The following SLC44A5 variants were observed in gnomAD, a reference collection of about 807,000 sequenced individuals.
SLC44A5 encodes solute carrier family 44 member 5, also known as choline transporter-like protein 5.
SLC44A5 carries 57 observed loss-of-function variants against 101.8 expected under a neutral mutation model. The ratio of observed to expected loss-of-function variants is 0.56; its 90% confidence interval spans 0.45 to 0.70. The LOEUF (loss-of-function observed/expected upper bound fraction) is 0.70, where lower values mean the gene tolerates loss of function less well. Ranked by LOEUF, SLC44A5 falls within the 30% of genes least tolerant of loss-of-function variation. SLC44A5 has a pLI of 0.00. For missense variants in SLC44A5, 737 were observed against 853.1 expected (o/e 0.86, Z 1.70); for synonymous variants, 281 against 290.9 (o/e 0.97, Z 0.35).
chr1:75,210,150 G>T (rs1451787316), intron 23 of SLC44A5, among the ~76,000 whole-genome samples: 2 of 151,930 alleles, frequency 1.3e-5, no homozygotes, highest in African/African-American at 4.8e-5. Flanking sequence ...GGGCCCAGGT[G>T]ATCCTCCCAC....
At chr1:75,383,374 G>C (rs1354943033) in intron 3 of SLC44A5, among the ~76,000 whole-genome samples, 2 of 149,774 alleles carry the variant, frequency 1.3e-5, no homozygotes, top group Middle Eastern at 3.4e-3. Flanking sequence ...TCTATACTTT[G>C]TCTCTGTGTC....
chr1:75,311,001 A>C (rs531026432), intron 4 of SLC44A5, among the ~76,000 whole-genome samples: 2 of 152,058 alleles, frequency 1.3e-5, no homozygotes, highest in South Asian at 2.1e-4. Flanking sequence ...TGAGTATTAA[A>C]ATATAAATTT....
intron 1 of SLC44A5, among the ~76,000 whole-genome samples, chr1:75,558,327 G>A (rs199868846): frequency 1.3e-5 from 2 of 152,080 alleles, no homozygotes; most frequent in East Asian, 3.8e-4. Context: ...ACAAAACATT[G>A]CCAAAGATCA....
the SLC44A5 span, among the ~76,000 whole-genome samples, chr1:75,630,861 G>A: frequency 3.9e-5 from 6 of 152,140 alleles, 1 homozygote; most frequent in Admixed American, 3.3e-4. Flanking sequence ...ACATGGACTC[G>A]CTGTCTTTCA....
chr1:75,718,966 C>G, the SLC44A5 span, among the ~76,000 whole-genome samples: 1 of 152,088 alleles, frequency 6.6e-6, no homozygotes, highest in East Asian at 1.9e-4. Flanking sequence ...TACATATGTT[C>G]AATATGAATG....
chr1:75,436,134 G>T (rs1356380340), intron 2 of SLC44A5, among the ~76,000 whole-genome samples: 2 of 152,022 alleles, frequency 1.3e-5, no homozygotes, highest in South Asian at 2.1e-4. Context: ...GAGTAAATTG[G>T]TTTTCAAGAT....
At chr1:75,385,167 C>T (rs1345816419) in intron 3 of SLC44A5, among the ~76,000 whole-genome samples, 1 of 149,352 alleles carries the variant, frequency 6.7e-6, no homozygotes, top group Admixed American at 6.6e-5. Context: ...CAAGAGCAAA[C>T]ACATTCAAAA....
intron 23 of SLC44A5, chr1:75,205,497 C>T (rs1308902428): frequency 6.6e-6 from 1 of 152,130 alleles, no homozygotes; most frequent in East Asian, 1.9e-4. Context: ...TTCTGCCATT[C>T]AAAACTTACA....
chr1:75,572,907 G>C (rs936915118), intron 1 of SLC44A5, among the ~76,000 whole-genome samples: 1 of 152,082 alleles, frequency 6.6e-6, no homozygotes, highest in African/African-American at 2.4e-5. Context: ...CAGATCGCCT[G>C]AGATCAGGAG....
intron 3 of SLC44A5, among the ~76,000 whole-genome samples, chr1:75,390,829 G>A (rs1661736567): frequency 6.6e-6 from 1 of 152,076 alleles, no homozygotes; most frequent in Admixed American, 6.5e-5. Context: ...GTATAGTACT[G>A]GAAGTCCTAG....
the SLC44A5 span, among the ~76,000 whole-genome samples, chr1:75,702,899 A>T: frequency 6.6e-6 from 1 of 152,234 alleles, no homozygotes. Flanking sequence ...GCCAAAAGAC[A>T]CATGAAAAAA....
intron 4 of SLC44A5, among the ~76,000 whole-genome samples, chr1:75,321,450 CAGAGAGAGAGAGAGAG>C (rs58617518): frequency 0.022 from 3,227 of 146,274 alleles, 144 homozygotes; most frequent in African/African-American, 0.077. Context: ...TGTTATATGG[CAGAGAGAGAGAGAGAG>C]AGAGAGAGAG....
chr1:75,627,489 G>A, the SLC44A5 span, among the ~76,000 whole-genome samples: 3 of 152,016 alleles, frequency 2.0e-5, no homozygotes, highest in African/African-American at 7.2e-5. Flanking sequence ...ACCCAGCCTA[G>A]GCAACATAGC....
chr1:75,553,899 AG>A (rs1672077753), intron 1 of SLC44A5, among the ~76,000 whole-genome samples: 1 of 151,892 alleles, frequency 6.6e-6, no homozygotes, highest in African/African-American at 2.4e-5. Context: ...GAGGAGGAGG[AG>A]GAGGAGGAGG....
chr1:75,413,768 A>G (rs1321288100), intron 2 of SLC44A5, among the ~76,000 whole-genome samples: 4 of 152,220 alleles, frequency 2.6e-5, no homozygotes, highest in African/African-American at 9.6e-5. Flanking sequence ...ACCTAGGTCC[A>G]ATGGCACAGT....
intron 2 of SLC44A5, among the ~76,000 whole-genome samples, chr1:75,408,721 TA>T (rs1028190212): frequency 6.7e-6 from 1 of 149,400 alleles, no homozygotes; most frequent in African/African-American, 2.5e-5. Flanking sequence ...GCTGGGGGGC[TA>T]GGGGAGGGAT....
chr1:75,441,838 A>G (rs1002075745), intron 2 of SLC44A5, among the ~76,000 whole-genome samples: 4 of 152,124 alleles, frequency 2.6e-5, no homozygotes, highest in African/African-American at 9.7e-5. Context: ...GTATATTAGG[A>G]GATTTTGACA....
At chr1:75,266,735 A>T (rs1029825744) in intron 6 of SLC44A5, among the ~76,000 whole-genome samples, 6 of 152,230 alleles carry the variant, frequency 3.9e-5, no homozygotes, top group Admixed American at 3.9e-4. Flanking sequence ...TACTGAGCAC[A>T]TATTGTAATG....
At chr1:75,374,960 C>T (rs1660478696) in intron 3 of SLC44A5, among the ~76,000 whole-genome samples, 1 of 152,194 alleles carries the variant, frequency 6.6e-6, no homozygotes, top group South Asian at 2.1e-4. Context: ...CAGAGTGTTT[C>T]CTTACCTCTA....
Sources: gnomAD v4.1 joint callset for allele counts (sites outside exome capture counted in the v4.1 genomes callset) on GRCh38, gnomAD v4.1.1 for gene constraint, MANE v1.5 for transcripts, NCBI Gene and HGNC (gene_info 2026-07-23, HGNC 2026-07-21) for gene names.